MYO5B: variants seen among roughly 807,000 people sequenced by gnomAD.
The protein encoded by MYO5B is unconventional myosin-Vb.
MYO5B carries 143 observed loss-of-function variants against 229.3 expected under a neutral mutation model. The ratio of observed to expected loss-of-function variants is 0.62; its 90% CI spans 0.54 to 0.72. The LOEUF (loss-of-function observed/expected upper bound fraction) is 0.72. Among genes scored for constraint, MYO5B ranks in the 30% least tolerant of loss-of-function variants. MYO5B has a pLI of 0.00. For missense variants in MYO5B, 2,321 were observed against 2,331.0 expected (o/e 1.00, Z 0.09); for synonymous variants, 918 against 885.2 (o/e 1.04, Z -0.66).
chr18:49,843,531 G>A, intron 33 of MYO5B, 139 bp from the exon 34 acceptor site: 2 of 1,110,570 alleles, frequency 1.8e-6, no homozygotes, highest in Non-Finnish European at 2.6e-6. Flanking sequence ...AGAGGATTGG[G>A]AGAGAAGCCA....
intron 17 of MYO5B, among the ~76,000 whole-genome samples, chr18:49,925,157 T>A (rs1403548922): frequency 6.6e-6 from 1 of 152,194 alleles, no homozygotes; most frequent in Non-Finnish European, 1.5e-5. Context: ...GAAACATTTA[T>A]AATCTATTCT....
At position 49,936,037 on chromosome 18, in the gene MYO5B, C is replaced by T. The variant is rs75953922; in HGVS notation, c.2003+215G>A. On this transcript the variant is annotated intron_variant, in intron 16 of 39. Coordinates refer to ENST00000285039, the MANE Select transcript of MYO5B (RefSeq NM_001080467.3). The stretch of plus-strand genomic sequence containing the variant: ...TTCCTGACCACCACTATACGGGGAA[C>T]GGCATTTTTTCTCTTAAGACCTCCT... Among the ~76,000 whole-genome samples, 740 of 152,338 alleles carry T rather than the reference C, an allele frequency of 4.9e-3. 4 individuals are homozygous for T. Among genetic ancestry groups the T allele is most frequent in the East Asian group, 0.022 (112 of 5,188 alleles).
chr18:50,178,266 A>T (rs1357858568), intron 1 of MYO5B, among the ~76,000 whole-genome samples: 1 of 152,202 alleles, frequency 6.6e-6, no homozygotes, highest in Non-Finnish European at 1.5e-5. Flanking sequence ...AAACTGGCAC[A>T]AAGTAGAATC....
intron 14 of MYO5B, among the ~76,000 whole-genome samples, chr18:49,947,608 T>A (rs2144233942): frequency 6.6e-6 from 1 of 152,314 alleles, no homozygotes; most frequent in South Asian, 2.1e-4. Context: ...TATTAAGCAG[T>A]CTGTTTATAA....
intron 22 of MYO5B, among the ~76,000 whole-genome samples, chr18:49,884,712 C>T (rs1312261124): frequency 6.6e-6 from 1 of 152,152 alleles, no homozygotes; most frequent in Non-Finnish European, 1.5e-5. Flanking sequence ...TGGACCACTA[C>T]TGGTCCATGG....
In MYO5B at chr18:49,996,718, GC is replaced by G. The variant is rs575302957; in HGVS notation, c.613-4288del. On this transcript the variant is annotated intron_variant, in intron 5 of 39. Transcript: ENST00000285039. ...ACGGATAAGGAGCAAAACCAACCAT[GC>G]CCCAGTATGGGAAAAGCTCTAAGAA... 1.1e-3 allele frequency among the ~76,000 whole-genome samples: 175 copies of G among 152,346 alleles called. 1 individual carries two copies. The highest frequency in any genetic ancestry group is 2.9e-3 in the Admixed American group (45 of 15,306).
At chr18:50,152,744 TA>T (rs1392776924) in intron 1 of MYO5B, among the ~76,000 whole-genome samples, 1 of 151,786 alleles carries the variant, frequency 6.6e-6, no homozygotes, top group Non-Finnish European at 1.5e-5. Flanking sequence ...CCAGGAAAGC[TA>T]AAATAACCAT....
At chr18:50,017,462 G>A (rs2026228166) in intron 4 of MYO5B, among the ~76,000 whole-genome samples, 1 of 152,162 alleles carries the variant, frequency 6.6e-6, no homozygotes, top group Non-Finnish European at 1.5e-5. Context: ...TCATGTTGTA[G>A]GATGTATCCA....
chr18:49,982,035 C>T (rs1005497176), intron 8 of MYO5B, among the ~76,000 whole-genome samples: 11 of 152,074 alleles, frequency 7.2e-5, no homozygotes, highest in African/African-American at 2.4e-4. Flanking sequence ...GGTACCATCA[C>T]GGAACAAGAA....
At chr18:50,142,133 A>T (rs1049144356) in intron 1 of MYO5B, among the ~76,000 whole-genome samples, 2 of 152,192 alleles carry the variant, frequency 1.3e-5, no homozygotes, top group African/African-American at 4.8e-5. Context: ...CTGTGGTCAC[A>T]AACCCCATCC....
At chr18:49,917,819 C>T (rs1008077746) in intron 17 of MYO5B, among the ~76,000 whole-genome samples, 1 of 152,216 alleles carries the variant, frequency 6.6e-6, no homozygotes, top group African/African-American at 2.4e-5. Context: ...GTGCTTCCTC[C>T]AGAATCAAGG....
In MYO5B at chr18:49,895,141, A is replaced by C. The variant is rs2024763815; in HGVS notation, c.2845T>G (p.Ser949Ala). 1 of 1,613,880 alleles carries C rather than the reference A, an allele frequency of 6.2e-7. No individual in the cohort carries two copies. Among genetic ancestry groups the C allele is most frequent in the Admixed American group, 1.7e-5 (1 of 59,994 alleles). ...KEFKTLSEQL[S>A]VTTSTYTMEV... is the part of the protein sequence containing the mutation. ...ATGGTGTATGTTGAGGTGGTCACGG[A>C]CAACTGCTCTGAAAGTGTCTTGAAC... Residue 949 changes from serine to alanine, a missense_variant, in exon 22 of 40, where the codon TCC becomes GCC. Coordinates refer to ENST00000285039, the MANE Select transcript of MYO5B (RefSeq NM_001080467.3).
At chr18:50,070,608 G>A (rs1263814476) in intron 1 of MYO5B, among the ~76,000 whole-genome samples, 2 of 152,008 alleles carry the variant, frequency 1.3e-5, no homozygotes, top group African/African-American at 4.8e-5. Context: ...TACCATTAAT[G>A]CCACAGTTGA....
intron 14 of MYO5B, among the ~76,000 whole-genome samples, chr18:49,942,477 C>T (rs1451545540): frequency 2.0e-5 from 3 of 149,926 alleles, no homozygotes; most frequent in Non-Finnish European, 3.0e-5. Flanking sequence ...TGACAAAGGG[C>T]TAATATCCAG....
chr18:49,910,648 A>C (rs1217618), intron 18 of MYO5B, among the ~76,000 whole-genome samples: 1 of 151,790 alleles, frequency 6.6e-6, no homozygotes, highest in Admixed American at 6.6e-5. Flanking sequence ...AAAGCTATGC[A>C]TACATTTACT....
At chr18:49,976,003 T>G (rs567705924) in intron 9 of MYO5B, among the ~76,000 whole-genome samples, 19 of 152,306 alleles carry the variant, frequency 1.2e-4, no homozygotes, top group South Asian at 4.1e-4. Flanking sequence ...GCAGCCCACT[T>G]GGGGCACTCT....
intron 1 of MYO5B, among the ~76,000 whole-genome samples, chr18:50,124,113 C>T (rs930947777): frequency 1.3e-5 from 2 of 152,222 alleles, no homozygotes; most frequent in African/African-American, 4.8e-5. Flanking sequence ...CAAAGTCACA[C>T]TGCACCCTAT....
chr18:50,145,374 C>G (rs1393287583), intron 1 of MYO5B, among the ~76,000 whole-genome samples: 1 of 151,686 alleles, frequency 6.6e-6, no homozygotes, highest in East Asian at 1.9e-4. Context: ...ATAGTCCCAG[C>G]TACTCGGGAG....
At chr18:50,001,559 T>C (rs1452173181) in intron 4 of MYO5B, 148 bp from the exon 5 acceptor site, 33 of 1,012,886 alleles carry the variant, frequency 3.3e-5, no homozygotes, top group Non-Finnish European at 4.6e-5. Flanking sequence ...AAAAATAGTC[T>C]GCCCTCCCCG....
Sources: allele counts gnomAD v4.1 joint callset (sites outside exome capture counted in the v4.1 genomes callset), GRCh38; gene constraint gnomAD v4.1.1; transcripts MANE v1.5; gene names NCBI Gene and HGNC (gene_info 2026-07-23, HGNC 2026-07-21).